The following NUP188 variants were observed in gnomAD, a reference collection of about 807,000 sequenced individuals.
NUP188 encodes the protein nucleoporin 188.
Under a neutral mutation model 223.0 loss-of-function variants are expected in NUP188, and 97 were observed. That is an observed-to-expected ratio of 0.43 (90% CI 0.37 to 0.51). The LOEUF (loss-of-function observed/expected upper bound fraction) is 0.51. Ranked by LOEUF, NUP188 falls within the 20% of genes least tolerant of loss-of-function variation. The probability of loss-of-function intolerance (pLI) is 0.00; values close to 1 mark genes in which losing one functional copy is unlikely to be tolerated. For synonymous variants in NUP188, 869 were observed against 828.0 expected, an observed-to-expected ratio of 1.05 and a Z score of -0.85; for missense variants, 1,947 against 2,175.6, an observed-to-expected ratio of 0.89 and a Z score of 2.09.
At chr9:129,003,232 G>A (rs1041988517) in intron 37 of NUP188, 85 bp from the exon 38 acceptor site, 11 of 1,487,034 alleles carry the variant, frequency 7.4e-6, no homozygotes, top group Middle Eastern at 2.4e-4. Flanking sequence ...GGCCTGGGAC[G>A]TTGCCTCTCC....
chr9:128,986,408 A>G (rs1588283737), intron 20 of NUP188, 150 bp from the exon 21 acceptor site: 1 of 762,794 alleles, frequency 1.3e-6, no homozygotes, highest in East Asian at 2.7e-5. Flanking sequence ...ACTATAAAGT[A>G]GGACTTTTGA....
Position 129,003,467 on chromosome 9 carries a change from G to A in NUP188, c.4434+13G>A. ...GCGTGATATCCAGGTGGGGGCCCAAGATGGTGTCTTGGAGTCTGGGGTAAT... is the reference window on the plus strand; with the variant it reads ...GCGTGATATCCAGGTGGGGGCCCAAAATGGTGTCTTGGAGTCTGGGGTAAT... On this transcript the variant is annotated intron_variant, in intron 38 of 43. Transcript: ENST00000372577. 6.2e-7 allele frequency: 1 copy of A among 1,607,332 alleles called. No individual in the cohort carries two copies. Among genetic ancestry groups the A allele is most frequent in the Non-Finnish European group, 8.5e-7 (1 of 1,179,902 alleles).
chr9:128,949,134 T>C (rs1841738725), intron 1 of NUP188, 55 bp from the exon 2 acceptor site: 1 of 1,320,258 alleles, frequency 7.6e-7, no homozygotes, highest in African/African-American at 1.5e-5. Context: ...TGAGGCAGTG[T>C]ACAAGTTTGT....
intron 38 of NUP188, 73 bp from the exon 39 acceptor site, chr9:129,005,074 T>C (rs982153627): frequency 5.9e-6 from 6 of 1,024,874 alleles, no homozygotes; most frequent in South Asian, 1.3e-5. Flanking sequence ...CATGGAGGGC[T>C]ATTGGGTTGG....
chr9:128,968,045 C>T (rs1842055666), intron 8 of NUP188, among the ~76,000 whole-genome samples: 1 of 152,126 alleles, frequency 6.6e-6, no homozygotes. Flanking sequence ...TCGATTGAGG[C>T]TAGGAATTCA....
chr9:128,971,767 T>C (rs1425699256), intron 11 of NUP188, among the ~76,000 whole-genome samples: 1 of 151,172 alleles, frequency 6.6e-6, no homozygotes, highest in East Asian at 2.0e-4. Flanking sequence ...TCAGCAATTA[T>C]TTTTTCCTTT....
rs61733522 is a variant in NUP188, at chr9:128,981,306, T to C, written c.1432T>C (p.Tyr478His). Residue 478 changes from tyrosine (Y) to histidine (H), a missense_variant, in exon 15 of 44, where the codon TAT becomes CAT. Tyr to His is a moderately conservative substitution (Grantham distance 83, BLOSUM62 2). Transcript: ENST00000372577. ...LDKMSFYNEL[Y>H]KHKPHDVISH... ...TAAGATGTCTTTCTACAATGAACTTTATAAACACAAGCCTCATGATGTGAT... is the reference window on the plus strand; with the variant it reads ...TAAGATGTCTTTCTACAATGAACTTCATAAACACAAGCCTCATGATGTGAT... 829 of 1,614,122 alleles carry C rather than the reference T, an allele frequency of 5.1e-4. 6 individuals are homozygous for C. In the African/African-American group the frequency reaches 8.0e-3, roughly 16 times the overall value.
rs1192751716 is a variant in NUP188, at chr9:129,003,318, G to T, written c.4298G>T (p.Cys1433Phe). The change falls in exon 38 of 44, where the codon TGC becomes TTC. Residue 1433 changes from cysteine to phenylalanine, a missense_variant and splice_region_variant. Coordinates refer to ENST00000372577, the MANE Select transcript of NUP188 (RefSeq NM_015354.3). ...VGVHQERTLQCLNAVRTVQSL... is the reference protein window; with the variant it reads ...VGVHQERTLQFLNAVRTVQSL... ...CCCTGATGTGTGCTTTCCTCCCAGTGCCTCAACGCAGTGAGGACAGTGCAG... is the reference window on the plus strand; with the variant it reads ...CCCTGATGTGTGCTTTCCTCCCAGTTCCTCAACGCAGTGAGGACAGTGCAG... 6.2e-7 allele frequency: 1 copy of T among 1,601,204 alleles called. No homozygotes were observed. The highest frequency in any genetic ancestry group is 2.2e-5 in the East Asian group (1 of 44,848).
chr9:128,962,298 G>C (rs1841967274), intron 8 of NUP188, among the ~76,000 whole-genome samples: 1 of 145,562 alleles, frequency 6.9e-6, no homozygotes, highest in African/African-American at 2.6e-5. Context: ...ACCCAGGCTA[G>C]AGTGCAGTGG....
chr9:128,952,480 T>C (rs986939440), intron 2 of NUP188, among the ~76,000 whole-genome samples: 8 of 151,994 alleles, frequency 5.3e-5, no homozygotes, highest in African/African-American at 1.9e-4. Flanking sequence ...CCCAGCACTT[T>C]GGGAGGCCAA....
chr9:128,986,840 A>G lies in NUP188; in HGVS notation c.2229A>G (p.Ile743Met), dbSNP rs1294785029. 1.2e-6 allele frequency: 2 copies of G among 1,614,082 alleles called. No homozygotes were observed. ...GCLILELIHA[I>M]LNLCHETDLH... ...TGATCTTGGAGCTGATTCATGCGAT[A>G]CTGAACCTGTGCCACGAGACAGACC... Residue 743 changes from isoleucine (I) to methionine (M), a missense_variant, in exon 22 of 44, where the codon ATA becomes ATG. Ile to Met is a conservative substitution (Grantham distance 10). Around this residue, in one of 3 missense-constraint regions of NUP188, gnomAD observed 225 missense variants for 319.1 expected, o/e 0.71. Transcript: ENST00000372577.
At chr9:128,958,743 A>T in intron 6 of NUP188, 59 bp from the exon 7 acceptor site, 3 of 880,940 alleles carry the variant, frequency 3.4e-6, no homozygotes, top group Non-Finnish European at 5.2e-6. Flanking sequence ...CACTAAATTT[A>T]AACTTGAGTT....
chr9:128,952,575 T>G (rs1234277813), intron 2 of NUP188, among the ~76,000 whole-genome samples, 198 bp from the exon 3 acceptor site: 1 of 151,282 alleles, frequency 6.6e-6, no homozygotes, highest in Non-Finnish European at 1.5e-5. Context: ...ATACAATAAT[T>G]AGCTGGGTGT....
intron 32 of NUP188, 83 bp from the exon 33 acceptor site, chr9:128,999,089 G>C (rs1842588175): frequency 8.9e-7 from 1 of 1,124,940 alleles, no homozygotes; most frequent in African/African-American, 1.5e-5. Flanking sequence ...CTGACCTCAG[G>C]TGATCCACCC....
At chr9:128,965,741 C>T (rs1283101504) in intron 8 of NUP188, among the ~76,000 whole-genome samples, 1 of 151,806 alleles carries the variant, frequency 6.6e-6, no homozygotes, top group Non-Finnish European at 1.5e-5. Flanking sequence ...ACGTGAGCCA[C>T]CACGTCTGGC....
In NUP188 at chr9:128,969,530, C is replaced by T. The variant is rs1228515384; in HGVS notation, c.912+16C>T. The T allele has an allele frequency of 2.8e-6, 4 of 1,418,216 alleles. No individual in the cohort carries two copies. Among genetic ancestry groups the T allele is most frequent in the South Asian group, 1.4e-5 (1 of 73,998 alleles). 87.9% of individuals were successfully genotyped at this position (1,418,216 alleles called of 1,614,324 possible). On this transcript the variant is annotated intron_variant, in intron 10 of 43. Coordinates refer to ENST00000372577, the MANE Select transcript of NUP188 (RefSeq NM_015354.3). ...TATTTGTCAGGTGACTTGGAATAGC[C>T]TCTTTTTTTTCAGAGGGTTTATAAG...
rs147726237 is a variant in NUP188, at chr9:129,000,341, A to G, written c.3843+536A>G. Among the ~76,000 whole-genome samples the G allele has an allele frequency of 1.2e-4, 18 of 152,268 alleles. No individual in the cohort carries two copies. The East Asian group carries it at 3.5e-3, about 30-fold the overall frequency. ...CTTGAAATTAGCACATTTTGTTACAACCAGTCTCGCTCTGTCGCCCAGGGT... is the reference window on the plus strand; with the variant it reads ...CTTGAAATTAGCACATTTTGTTACAGCCAGTCTCGCTCTGTCGCCCAGGGT... On this transcript the variant is annotated intron_variant, in intron 34 of 43. Transcript: ENST00000372577.
At chr9:128,972,547 A>G (rs1425638203) in intron 11 of NUP188, among the ~76,000 whole-genome samples, 3 of 152,218 alleles carry the variant, frequency 2.0e-5, no homozygotes, top group Non-Finnish European at 4.4e-5. Flanking sequence ...ATACTTGTCC[A>G]AAAATCCATA....
At chr9:128,989,866 A>G (rs1399330222) in intron 24 of NUP188, among the ~76,000 whole-genome samples, 1 of 152,202 alleles carries the variant, frequency 6.6e-6, no homozygotes, top group Non-Finnish European at 1.5e-5. Flanking sequence ...AATTAATAAA[A>G]TAAGCACCTA....
Sources: allele counts gnomAD v4.1 joint callset (sites outside exome capture counted in the v4.1 genomes callset), GRCh38; gene constraint gnomAD v4.1.1; regional missense constraint gnomAD v4.1.1; transcripts MANE v1.5; gene names NCBI Gene and HGNC (gene_info 2026-07-23, HGNC 2026-07-21).